The following TRPM6 variants were observed in gnomAD, a reference collection of about 807,000 sequenced individuals.
TRPM6 encodes transient receptor potential cation channel subfamily M member 6, also known as channel kinase 2.
TRPM6 carries 111 observed loss-of-function variants against 247.6 expected under a neutral mutation model. That is an observed-to-expected ratio of 0.45 (90% CI 0.38 to 0.52). The LOEUF is 0.52. Among genes scored for constraint, TRPM6 ranks in the 20% least tolerant of loss-of-function variants. The pLI is 0.00. For synonymous variants in TRPM6, 892 were observed against 853.8 expected, an observed-to-expected ratio of 1.04 and a Z score of -0.78; for missense variants, 2,126 against 2,421.5, an observed-to-expected ratio of 0.88 and a Z score of 2.56.
intron 3 of TRPM6, among the ~76,000 whole-genome samples, chr9:74,854,419 T>G (rs1830460201): frequency 6.6e-6 from 1 of 152,218 alleles, no homozygotes. Context: ...ATTAGGTTTA[T>G]GCAAAATTAA....
At chr9:74,772,951 C>T (rs1827100219) in intron 24 of TRPM6, among the ~76,000 whole-genome samples, 1 of 151,972 alleles carries the variant, frequency 6.6e-6, no homozygotes, top group African/African-American at 2.4e-5. Flanking sequence ...AAACTCTCAG[C>T]TCCTTAAAAC....
At chr9:74,886,866 T>C (rs1271371211) in intron 1 of TRPM6, among the ~76,000 whole-genome samples, 1 of 152,228 alleles carries the variant, frequency 6.6e-6, no homozygotes, top group Non-Finnish European at 1.5e-5. Context: ...GGATGCTAAT[T>C]CAGGCTACCT....
chr9:74,812,618 A>C (rs1435674106), intron 11 of TRPM6, among the ~76,000 whole-genome samples, 185 bp from the exon 12 acceptor site: 1 of 151,896 alleles, frequency 6.6e-6, no homozygotes, highest in Non-Finnish European at 1.5e-5. Flanking sequence ...GGCCAGGCTC[A>C]GTGGCGCACA....
intron 36 of TRPM6, among the ~76,000 whole-genome samples, chr9:74,733,118 A>G (rs1451461980): frequency 6.6e-6 from 1 of 151,766 alleles, no homozygotes; most frequent in Non-Finnish European, 1.5e-5. Flanking sequence ...CGTTTGAACC[A>G]TTGAATCGTT....
chr9:74,776,065 A>G lies in TRPM6; in HGVS notation c.3221T>C (p.Leu1074Ser). The G allele has an allele frequency of 6.2e-7, 1 of 1,613,784 alleles. No homozygotes were observed. The highest frequency in any genetic ancestry group is 8.5e-7 in the Non-Finnish European group (1 of 1,179,718). ...GTTATTTGAAATGGATTCCATATCT[A>G]AGTAAACGTTGCTGTAAGATGAAGT... ...LLIAFFNNVY[L>S]DMESISNNLW... is the part of the protein sequence containing the mutation. The change falls in exon 24 of 39, where the codon TTA becomes TCA. Residue 1074 changes from leucine (L) to serine (S), a missense_variant. By Grantham distance (145) the Leu-to-Ser change is moderately radical. Coordinates refer to ENST00000360774, the MANE Select transcript of TRPM6 (RefSeq NM_017662.5).
chr9:74,750,546 G>T, intron 30 of TRPM6, 118 bp downstream of exon 30: 1 of 924,660 alleles, frequency 1.1e-6, no homozygotes, highest in Non-Finnish European at 1.8e-6. Context: ...GAAAAGTATT[G>T]TCATTTGACA....
chr9:74,852,008 C>A (rs1830335706), intron 3 of TRPM6, among the ~76,000 whole-genome samples: 1 of 151,412 alleles, frequency 6.6e-6, no homozygotes, highest in Non-Finnish European at 1.5e-5. Flanking sequence ...GTGGTACATG[C>A]CAGGAGGGGG....
At chr9:74,769,840 T>C (rs11144079) in intron 25 of TRPM6, among the ~76,000 whole-genome samples, 4,320 of 147,016 alleles carry the variant, frequency 0.029, 89 homozygotes, top group Non-Finnish European at 0.048. Flanking sequence ...TAAATTTGCC[T>C]GTGTCCATAT....
At position 74,867,474 on chromosome 9, in the gene TRPM6, T is replaced by A. The variant is rs146361796; in HGVS notation, c.34-8726A>T. On this transcript the variant is annotated intron_variant, in intron 1 of 38. Coordinates refer to ENST00000360774, the MANE Select transcript of TRPM6 (RefSeq NM_017662.5). ...TCCCACATGCATATCTTAGTCTGCA[T>A]ACCTCATCTTAATGAGTAGATTCTA... Among the ~76,000 whole-genome samples the A allele has an allele frequency of 4.3e-3, 650 of 152,324 alleles. 3 individuals are homozygous for A. Among genetic ancestry groups the A allele is most frequent in the African/African-American group, 0.015 (624 of 41,568 alleles).
chr9:74,802,159 A>G lies in TRPM6; in HGVS notation c.1748T>C (p.Leu583Pro). 6.2e-7 allele frequency: 1 copy of G among 1,614,026 alleles called. No homozygotes were observed. Among genetic ancestry groups the G allele is most frequent in the South Asian group, 1.1e-5 (1 of 91,074 alleles). The change falls in exon 16 of 39, where the codon CTT becomes CCT. Residue 583 changes from leucine to proline, a missense_variant. Coordinates refer to ENST00000360774, the MANE Select transcript of TRPM6 (RefSeq NM_017662.5). The stretch of plus-strand genomic sequence containing the variant: ...TTTTGACTTCTTCCTTGATTTATGA[A>G]GGACTATAGACTTTTCCTGTTGGAA... ...PYKFKEKSIVLHKSRKKSKEQ... is the reference protein window; with the variant it reads ...PYKFKEKSIVPHKSRKKSKEQ...
intron 5 of TRPM6, among the ~76,000 whole-genome samples, chr9:74,838,864 C>A (rs995242718): frequency 1.3e-5 from 2 of 152,076 alleles, no homozygotes; most frequent in African/African-American, 4.8e-5. Context: ...AATCCCAGCA[C>A]TTTGGGAGGC....
At chr9:74,803,161 C>G (rs1443428733) in intron 15 of TRPM6, among the ~76,000 whole-genome samples, 2 of 152,078 alleles carry the variant, frequency 1.3e-5, no homozygotes, top group Non-Finnish European at 2.9e-5. Flanking sequence ...CTCTTTCATA[C>G]CAGGAGCTAT....
chr9:74,878,139 T>C (rs1055959751), intron 1 of TRPM6, among the ~76,000 whole-genome samples: 1 of 151,912 alleles, frequency 6.6e-6, no homozygotes, highest in Non-Finnish European at 1.5e-5. Flanking sequence ...ACCCACCTAG[T>C]CCATCACAGT....
chr9:74,763,777 G>A (rs1219828844), intron 25 of TRPM6, among the ~76,000 whole-genome samples: 1 of 152,162 alleles, frequency 6.6e-6, no homozygotes, highest in South Asian at 2.1e-4. Flanking sequence ...AGATTATGAT[G>A]TTCAGTCATT....
chr9:74,777,690 C>T (rs898255871), intron 23 of TRPM6, among the ~76,000 whole-genome samples: 6 of 152,230 alleles, frequency 3.9e-5, no homozygotes, highest in South Asian at 2.1e-4. Flanking sequence ...AGCTCTAAAC[C>T]GTGCCAGGGC....
chr9:74,767,170 G>C (rs559039810), intron 25 of TRPM6, among the ~76,000 whole-genome samples: 1 of 152,222 alleles, frequency 6.6e-6, no homozygotes, highest in South Asian at 2.1e-4. Flanking sequence ...ATAGTGGTGG[G>C]ACCTGCTTAA....
At chr9:74,775,426 C>T (rs969956300) in intron 24 of TRPM6, among the ~76,000 whole-genome samples, 1 of 152,156 alleles carries the variant, frequency 6.6e-6, no homozygotes, top group African/African-American at 2.4e-5. Flanking sequence ...GATTAGAGAA[C>T]CAGAGGATCG....
chr9:74,763,089 C>T lies in TRPM6; in HGVS notation c.3582G>A (p.Val1194=). The part of the protein sequence containing the change: ...YFQLKEMNEK[V]SFIKDSLLSL... Reference sequence around the variant, plus strand: ...ACAGTAAGGAGTCCTTTATAAAAGACACCTTTTCATTCATTTCTTTCAGCT... The same window carrying T: ...ACAGTAAGGAGTCCTTTATAAAAGATACCTTTTCATTCATTTCTTTCAGCT... The change falls in exon 26 of 39, where the codon GTG becomes GTA. Residue 1194 remains valine, a synonymous_variant. Transcript: ENST00000360774. 1.2e-6 allele frequency: 2 copies of T among 1,613,880 alleles called. No individual in the cohort carries two copies. Among genetic ancestry groups the T allele is most frequent in the Non-Finnish European group, 1.7e-6 (2 of 1,180,030 alleles).
intron 4 of TRPM6, among the ~76,000 whole-genome samples, chr9:74,841,839 A>G (rs1829948189): frequency 6.6e-6 from 1 of 152,176 alleles, no homozygotes; most frequent in Non-Finnish European, 1.5e-5. Context: ...TTATTCCAAA[A>G]TTAAAATATT....
Sources: allele counts gnomAD v4.1 joint callset (sites outside exome capture counted in the v4.1 genomes callset), GRCh38; gene constraint gnomAD v4.1.1; transcripts MANE v1.5; gene names NCBI Gene and HGNC (gene_info 2026-07-23, HGNC 2026-07-21).